Variants in GPR89B observed in about 807,000 individuals in gnomAD.
GPR89B encodes G protein-coupled receptor 89B.
GPR89B carries 25 observed loss-of-function variants against 52.4 expected under a neutral mutation model. The observed-to-expected ratio is 0.48, with a 90% confidence interval of 0.35 to 0.67. The LOEUF is 0.67. Ranked by LOEUF, GPR89B falls within the 30% of genes least tolerant of loss-of-function variation. The pLI is 0.01. For synonymous variants in GPR89B, 52 were observed against 151.2 expected, an observed-to-expected ratio of 0.34 and a Z score of 4.81; for missense variants, 146 against 450.2, an observed-to-expected ratio of 0.32 and a Z score of 6.11.
the GPR89B span, among the ~76,000 whole-genome samples, chr1:148,007,151 C>A: frequency 1.4e-5 from 2 of 139,596 alleles, no homozygotes; most frequent in African/African-American, 5.6e-5. Context: ...TCTGAGCTCA[C>A]TGCAACCTCC....
chr1:147,962,185 A>T (rs1656629661), intron 7 of GPR89B, among the ~76,000 whole-genome samples: 1 of 151,630 alleles, frequency 6.6e-6, no homozygotes, highest in Non-Finnish European at 1.5e-5. Flanking sequence ...GCACTTTGGG[A>T]GGCTGAGGCA....
At position 147,979,305 on chromosome 1, in the gene GPR89B, A is replaced by C. The variant is rs1331227791; in HGVS notation, c.910-6894A>C. ...TCTAGTTGGTCACCTTGGCCCCTCCACCGACCTTGCCAGTCTTTTAATTAA... is the reference window on the plus strand; with the variant it reads ...TCTAGTTGGTCACCTTGGCCCCTCCCCCGACCTTGCCAGTCTTTTAATTAA... On this transcript the variant is annotated intron_variant, in intron 10 of 13. Coordinates refer to ENST00000314163, the MANE Select transcript of GPR89B (RefSeq NM_016334.5). Among the ~76,000 whole-genome samples, 116 of 151,046 alleles carry C rather than the reference A, an allele frequency of 7.7e-4. 1 individual carries two copies. Among genetic ancestry groups the C allele is most frequent in the Non-Finnish European group, 9.1e-4 (62 of 67,984 alleles).
intron 1 of GPR89B, 80 bp from the exon 2 acceptor site, chr1:147,936,547 C>G (rs201749300): frequency 1.1e-6 from 1 of 898,126 alleles, no homozygotes; most frequent in African/African-American, 1.7e-5. Flanking sequence ...AGTTAGCAGA[C>G]CTTTTATCAT....
chr1:147,949,622 G>A (rs1263717232), intron 5 of GPR89B, among the ~76,000 whole-genome samples: 11 of 140,838 alleles, frequency 7.8e-5, no homozygotes, highest in Admixed American at 7.4e-4. Context: ...GGGGCGGGGG[G>A]CTGACCCCCC....
At chr1:148,005,646 C>T in the GPR89B span, 1 of 996,836 alleles carries the variant, frequency 1.0e-6, no homozygotes, top group Non-Finnish European at 1.5e-6. Context: ...TGTCCCTAGT[C>T]TAAGAACATG....
chr1:147,939,732 T>A (rs1489046547), intron 3 of GPR89B, among the ~76,000 whole-genome samples: 6 of 152,216 alleles, frequency 3.9e-5, no homozygotes, highest in Non-Finnish European at 7.3e-5. Context: ...ACATAGTGGC[T>A]CACGCCTATA....
the GPR89B span, among the ~76,000 whole-genome samples, chr1:148,023,450 G>A: frequency 1.9e-4 from 27 of 143,528 alleles, no homozygotes; most frequent in Non-Finnish European, 3.5e-4. Context: ...ATTCCTTTGG[G>A]TATATACCCA....
chr1:147,977,747 T>C (rs1220365552), intron 10 of GPR89B, among the ~76,000 whole-genome samples: 3,114 of 148,982 alleles, frequency 0.021, 138 homozygotes, highest in African/African-American at 0.075. Context: ...GTCTTCAAGC[T>C]CTGAGATTCT....
chr1:148,018,634 G>A, the GPR89B span, among the ~76,000 whole-genome samples: 8 of 151,372 alleles, frequency 5.3e-5, no homozygotes, highest in Admixed American at 3.9e-4. Context: ...TGGCAGAAAA[G>A]GGTTAAATAT....
intron 10 of GPR89B, among the ~76,000 whole-genome samples, chr1:147,981,950 C>T (rs1251045363): frequency 1.3e-5 from 2 of 152,000 alleles, no homozygotes; most frequent in South Asian, 2.1e-4. Context: ...CCATGCCCGG[C>T]CTCGTGTATA....
the GPR89B span, among the ~76,000 whole-genome samples, chr1:148,004,398 C>G: frequency 4.4e-4 from 66 of 150,312 alleles, no homozygotes; most frequent in Non-Finnish European, 8.7e-4. Flanking sequence ...ATCTCCTGAC[C>G]TCGTGATCCA....
At position 147,970,617 on chromosome 1, in the gene GPR89B, T is replaced by C. The variant is rs1250514288; in HGVS notation, c.909+658T>C. 8.9e-3 allele frequency among the ~76,000 whole-genome samples: 1,342 copies of C among 150,892 alleles called. 17 individuals carry two copies. Among genetic ancestry groups the C allele is most frequent in the African/African-American group, 0.031 (1,279 of 40,628 alleles). ...ATTTCTTATTTTGCATTCTGCTTTC[T>C]GTGTTACCCATGAGTACATAACTGT... On this transcript the variant is annotated intron_variant, in intron 10 of 13. Coordinates refer to ENST00000314163, the MANE Select transcript of GPR89B (RefSeq NM_016334.5).
At chr1:148,022,282 C>T in the GPR89B span, among the ~76,000 whole-genome samples, 1 of 149,800 alleles carries the variant, frequency 6.7e-6, no homozygotes, top group Non-Finnish European at 1.5e-5. Context: ...TCTGGTTTTG[C>T]TACTAGGGTG....
chr1:147,994,666 G>A (rs1329897057), downstream of GPR89B, among the ~76,000 whole-genome samples: 2 of 152,154 alleles, frequency 1.3e-5, no homozygotes, highest in African/African-American at 2.4e-5. Flanking sequence ...TAATGTCTGT[G>A]TATATTTCTT....
chr1:147,979,200 G>T (rs1463004174), intron 10 of GPR89B, among the ~76,000 whole-genome samples: 1 of 151,928 alleles, frequency 6.6e-6, no homozygotes, highest in Non-Finnish European at 1.5e-5. Flanking sequence ...CCCAATGAGA[G>T]AACCTGGTTA....
At chr1:147,994,839 A>G (rs1394078575), downstream of GPR89B, among the ~76,000 whole-genome samples, 1 of 152,070 alleles carries the variant, frequency 6.6e-6, no homozygotes, top group African/African-American at 2.4e-5. Context: ...TCCACCCATT[A>G]GCAGAATTAA....
chr1:148,005,844 T>C, the GPR89B span, among the ~76,000 whole-genome samples: 3 of 152,056 alleles, frequency 2.0e-5, no homozygotes, highest in South Asian at 6.2e-4. Flanking sequence ...CATGCTTCTG[T>C]TCGTAAGTTC....
chr1:147,962,743 A>G (rs1221889579), intron 7 of GPR89B, among the ~76,000 whole-genome samples: 6,674 of 151,524 alleles, frequency 0.044, 246 homozygotes, highest in African/African-American at 0.074. Flanking sequence ...CTAAAAATAC[A>G]AAAAATTAGC....
chr1:147,930,718 A>G (rs184743952), intron 1 of GPR89B, among the ~76,000 whole-genome samples: 88 of 148,214 alleles, frequency 5.9e-4, no homozygotes, highest in African/African-American at 2.0e-3. Context: ...ACGGCACAGG[A>G]TGAAGTTCAA....
Sources: gnomAD v4.1 joint callset for allele counts (sites outside exome capture counted in the v4.1 genomes callset) on GRCh38, gnomAD v4.1.1 for gene constraint, MANE v1.5 for transcripts, NCBI Gene and HGNC (gene_info 2026-07-23, HGNC 2026-07-21) for gene names.